Variants in RP1 observed in about 807,000 individuals in gnomAD.
RP1 encodes oxygen-regulated protein 1.
Under a neutral mutation model 14.8 loss-of-function variants are expected in RP1, and 16 were observed. That is an observed-to-expected ratio of 1.08 (90% CI 0.73 to 1.65). The LOEUF (loss-of-function observed/expected upper bound fraction) is 1.65. Among genes scored for constraint, RP1 ranks in the 40% most tolerant of loss-of-function variants. The pLI is 0.00. For synonymous variants in RP1, 876 were observed against 883.6 expected, an observed-to-expected ratio of 0.99 and a Z score of 0.15; for missense variants, 2,631 against 2,535.0, an observed-to-expected ratio of 1.04 and a Z score of -0.81.
chr8:54,769,518 T>C (rs1809848855), intron 22 of RP1, among the ~76,000 whole-genome samples: 1 of 152,274 alleles, frequency 6.6e-6, no homozygotes, highest in East Asian at 1.9e-4. Flanking sequence ...CGTATATATT[T>C]CGTTCTTCAA....
intron 7 of RP1, among the ~76,000 whole-genome samples, chr8:54,668,581 CA>C (rs1326247784): frequency 6.6e-6 from 1 of 152,012 alleles, no homozygotes; most frequent in Non-Finnish European, 1.5e-5. Context: ...AATCCTAAGC[CA>C]AAAGAACAAA....
intron 6 of RP1, among the ~76,000 whole-genome samples, chr8:54,660,035 C>T (rs1022316285): frequency 2.0e-5 from 3 of 151,912 alleles, no homozygotes; most frequent in African/African-American, 7.3e-5. Context: ...TATATAGTAA[C>T]GCAGCTGCTT....
At chr8:54,615,877 G>C (rs373249219), upstream of RP1, among the ~76,000 whole-genome samples, 6 of 152,314 alleles carry the variant, frequency 3.9e-5, no homozygotes, top group South Asian at 6.2e-4. Context: ...TACTGGTGAA[G>C]TACTTTTTCT....
intron 26 of RP1, chr8:54,856,880 G>A (rs1812213428): frequency 3.0e-6 from 1 of 330,326 alleles, no homozygotes; most frequent in South Asian, 1.5e-4. Flanking sequence ...GCATAGTGTA[G>A]AACTTTGCAC....
intron 26 of RP1, chr8:54,856,926 C>A (rs978034572): frequency 2.8e-6 from 1 of 354,968 alleles, no homozygotes; most frequent in African/African-American, 2.1e-5. Context: ...AGTAAGAATA[C>A]TATATAGTAT....
chr8:54,762,675 T>C (rs1198552644), intron 22 of RP1, among the ~76,000 whole-genome samples: 1 of 152,218 alleles, frequency 6.6e-6, no homozygotes, highest in Non-Finnish European at 1.5e-5. Flanking sequence ...CGTAACAAAT[T>C]GCCACAGATT....
At chr8:54,696,396 AGATGGCG>A (rs1179093746) in intron 12 of RP1, 1 of 668,062 alleles carries the variant, frequency 1.5e-6, no homozygotes, top group African/African-American at 1.8e-5. Flanking sequence ...AACACTAGAA[AGATGGCG>A]GAGCAAGAGC....
At position 54,717,061 on chromosome 8, in the gene RP1, T is replaced by C. The variant is rs554704835; in HGVS notation, c.2212-3068T>C. Among the ~76,000 whole-genome samples the C allele has an allele frequency of 2.0e-5, 3 of 152,304 alleles. No homozygotes were observed. In the East Asian group the frequency reaches 5.8e-4, roughly 29 times the overall value. ...CCTCTCTTCTTGTGGGGTGGCAGTT[T>C]TCTCTATGTAATATATGGTATCTAC... On this transcript the variant is annotated intron_variant, in intron 15 of 22. Transcript: ENST00000636932.
In RP1 at chr8:54,840,355, C is replaced by T. The variant is rs147155010; in HGVS notation, c.3835+2686C>T. On this transcript the variant is annotated intron_variant, in intron 25 of 28. Coordinates refer to the RP1 transcript ENST00000637698. The stretch of plus-strand genomic sequence containing the variant: ...GCAACATCTGCCTCCTAGGTTCAAG[C>T]GATTCTCCTGCCCCAGCCTCCTGAG... 5.1e-3 allele frequency among the ~76,000 whole-genome samples: 780 copies of T among 151,816 alleles called. 5 individuals are homozygous for T. Among genetic ancestry groups the T allele is most frequent in the African/African-American group, 0.015 (619 of 41,388 alleles).
chr8:54,606,400 G>T (rs936101591), intron 1 of RP1, among the ~76,000 whole-genome samples: 8 of 151,512 alleles, frequency 5.3e-5, no homozygotes, highest in African/African-American at 2.0e-4. Flanking sequence ...TAGGGTTTCT[G>T]CCGAGAGATC....
intron 12 of RP1, chr8:54,696,851 A>C (rs1807877811): frequency 1.3e-6 from 1 of 754,256 alleles, no homozygotes; most frequent in Non-Finnish European, 2.4e-6. Context: ...CCAGTAACTC[A>C]TTTTGAAATG....
chr8:54,777,832 T>C (rs986796), intron 23 of RP1, among the ~76,000 whole-genome samples: 2,605 of 152,210 alleles, frequency 0.017, 89 homozygotes, highest in African/African-American at 0.06. Context: ...TCATACAAGG[T>C]CAATATTGTT....
intron 18 of RP1, among the ~76,000 whole-genome samples, chr8:54,736,264 T>C (rs1430189107): frequency 4.6e-5 from 7 of 152,080 alleles, no homozygotes; most frequent in African/African-American, 1.7e-4. Context: ...AATTTTAAGG[T>C]ATTGTGATGA....
chr8:54,626,688 C>T lies in RP1; in HGVS notation c.2806C>T (p.Pro936Ser). 6.2e-7 allele frequency: 1 copy of T among 1,613,776 alleles called. No homozygotes were observed. Among genetic ancestry groups the T allele is most frequent in the South Asian group, 1.1e-5 (1 of 91,064 alleles). Residue 936 changes from proline (P) to serine (S), a missense_variant, in exon 4 of 4, where the codon CCA becomes TCA. Coordinates refer to ENST00000220676, the MANE Select transcript of RP1 (RefSeq NM_006269.2). The part of the protein sequence containing the change: ...YPTLKPIKSA[P>S]VCRNETSVVN... ...AACTTTAAAGCCTATAAAATCAGCT[C>T]CAGTATGTAGAAATGAAACGAGTGT... is the stretch of plus-strand genomic sequence containing the variant.
At chr8:54,864,092 A>G (rs998438122) in intron 27 of RP1, among the ~76,000 whole-genome samples, 2 of 152,222 alleles carry the variant, frequency 1.3e-5, no homozygotes, top group Non-Finnish European at 2.9e-5. Context: ...GGGGTTATAG[A>G]CATAATTTAC....
chr8:54,633,486 A>G (rs1806287518), downstream of RP1, among the ~76,000 whole-genome samples: 1 of 152,104 alleles, frequency 6.6e-6, no homozygotes, highest in South Asian at 2.1e-4. Flanking sequence ...TACATTCCAT[A>G]TTTGTGGCAC....
At position 54,648,984 on chromosome 8, in the gene RP1, G is replaced by A. The variant is rs1279773484; in HGVS notation, c.788-1G>A. Reference sequence around the variant, plus strand: ...GCTGTATGTTATTTTTTCTTTTATAGGTAGTAACTGGAAAGTTTTTATAAT... The same window carrying A: ...GCTGTATGTTATTTTTTCTTTTATAAGTAGTAACTGGAAAGTTTTTATAAT... On this transcript the variant is annotated splice_acceptor_variant, in intron 3 of 22. Coordinates refer to the RP1 transcript ENST00000636932. LOFTEE classifies it high-confidence loss of function. The A allele has an allele frequency of 6.7e-7, 1 of 1,497,220 alleles. No homozygotes were observed. The highest frequency in any genetic ancestry group is 1.4e-5 in the African/African-American group (1 of 70,808). 92.7% of individuals were successfully genotyped at this position (1,497,220 alleles called of 1,614,324 possible). A position where few individuals can be genotyped will look rare whatever the true frequency, so the allele number is the denominator to read the frequency against.
chr8:54,846,806 C>G (rs1211460982), intron 25 of RP1, among the ~76,000 whole-genome samples: 1 of 152,160 alleles, frequency 6.6e-6, no homozygotes, highest in South Asian at 2.1e-4. Flanking sequence ...CTTTGGCCTT[C>G]CCTGAGGTGT....
At position 54,629,085 on chromosome 8, in the gene RP1, A is replaced by G. The variant is rs1563332957; in HGVS notation, c.5203A>G (p.Ile1735Val). 1.2e-6 allele frequency: 2 copies of G among 1,614,144 alleles called. No homozygotes were observed. The highest frequency in any genetic ancestry group is 1.3e-5 in the African/African-American group (1 of 75,060). ...TGATGATAGCAGAATCCTCACAGAC[A>G]TAGAGGAAGGAGTACTGATTGACAA... ...QNDDSRILTDIEEGVLIDKGK... is the reference protein window; with the variant it reads ...QNDDSRILTDVEEGVLIDKGK... Residue 1735 changes from isoleucine to valine, a missense_variant, in exon 4 of 4, where the codon ATA becomes GTA. Physicochemically the swap from Ile to Val is conservative, Grantham distance 29. Coordinates refer to ENST00000220676, the MANE Select transcript of RP1 (RefSeq NM_006269.2).
Sources: gnomAD v4.1 joint callset for allele counts (sites outside exome capture counted in the v4.1 genomes callset) on GRCh38, gnomAD v4.1.1 for gene constraint, MANE v1.5 for transcripts, NCBI Gene and HGNC (gene_info 2026-07-23, HGNC 2026-07-21) for gene names.